Variants in RBMS3 observed in about 807,000 individuals in gnomAD.
RBMS3 encodes the protein RNA-binding motif, single-stranded-interacting protein 3.
In RBMS3, 27 loss-of-function variants were observed where a neutral mutation model predicts 66.8. The ratio of observed to expected loss-of-function variants is 0.40; its 90% CI spans 0.30 to 0.56. The LOEUF is 0.56. Among genes scored for constraint, RBMS3 ranks in the 20% least tolerant of loss-of-function variants. RBMS3 has a pLI of 0.40. For synonymous variants in RBMS3, 188 were observed against 183.0 expected, an observed-to-expected ratio of 1.03 and a Z score of -0.22; for missense variants, 513 against 549.5, an observed-to-expected ratio of 0.93 and a Z score of 0.66.
intron 6 of RBMS3, among the ~76,000 whole-genome samples, chr3:29,866,398 G>A (rs1212763589): frequency 6.6e-6 from 1 of 152,164 alleles, no homozygotes; most frequent in African/African-American, 2.4e-5. Context: ...GGCACACAAA[G>A]CTGCCATCCC....
chr3:29,606,194 A>G (rs1373549996), intron 4 of RBMS3, among the ~76,000 whole-genome samples: 2 of 151,750 alleles, frequency 1.3e-5, no homozygotes, highest in African/African-American at 4.8e-5. Flanking sequence ...TCACTCCTAG[A>G]TTTTATTCAC....
chr3:29,605,205 G>A (rs1320064789), intron 4 of RBMS3, among the ~76,000 whole-genome samples: 3 of 151,706 alleles, frequency 2.0e-5, no homozygotes, highest in Non-Finnish European at 4.4e-5. Context: ...GGAAGCCACT[G>A]TGCAGACTAA....
Position 29,775,792 on chromosome 3 carries a change from A to T in RBMS3, c.637+12803A>T, listed in dbSNP as rs561588884. On this transcript the variant is annotated intron_variant, in intron 6 of 14. Coordinates refer to ENST00000383767, the MANE Select transcript of RBMS3 (RefSeq NM_001003793.3). ...GATAATAATATATTTAAACACTAGC[A>T]TGCAACTAATTGAACACTGTATATT... Among the ~76,000 whole-genome samples, 6 of 152,074 alleles carry T rather than the reference A, an allele frequency of 3.9e-5. No homozygotes were observed. The South Asian group carries it at 1.2e-3, about 31-fold the overall frequency.
intron 4 of RBMS3, among the ~76,000 whole-genome samples, chr3:29,621,063 G>T (rs1004604224): frequency 6.6e-6 from 1 of 151,958 alleles, no homozygotes; most frequent in Non-Finnish European, 1.5e-5. Context: ...GCTCATAAAG[G>T]CTGCTGGAAC....
chr3:29,875,515 T>A (rs2059592460), intron 7 of RBMS3, among the ~76,000 whole-genome samples: 1 of 152,000 alleles, frequency 6.6e-6, no homozygotes, highest in Non-Finnish European at 1.5e-5. Flanking sequence ...TATAAAATGC[T>A]ATCAATTATC....
intron 2 of RBMS3, among the ~76,000 whole-genome samples, chr3:29,458,518 T>G (rs960345311): frequency 6.6e-6 from 1 of 152,208 alleles, no homozygotes; most frequent in African/African-American, 2.4e-5. Flanking sequence ...TCCTCCTGTA[T>G]GCTTTAAATA....
chr3:29,888,385 TCTTTCCTCA>T (rs1191222192), intron 8 of RBMS3, among the ~76,000 whole-genome samples: 1 of 151,774 alleles, frequency 6.6e-6, no homozygotes, highest in Non-Finnish European at 1.5e-5. Flanking sequence ...GGGCATATTA[TCTTTCCTCA>T]CTTTATTTTC....
At chr3:29,561,756 C>G (rs2046564683) in intron 3 of RBMS3, among the ~76,000 whole-genome samples, 1 of 151,992 alleles carries the variant, frequency 6.6e-6, no homozygotes, top group African/African-American at 2.4e-5. Flanking sequence ...TGGCCCTTGA[C>G]TTTTTAATAG....
chr3:29,522,797 G>T (rs1170723316), intron 3 of RBMS3, among the ~76,000 whole-genome samples: 3 of 152,154 alleles, frequency 2.0e-5, no homozygotes, highest in Non-Finnish European at 4.4e-5. Context: ...AGGTAGATTT[G>T]CAGGATACAG....
chr3:29,331,814 CCTT>C (rs1166822148), intron 1 of RBMS3, among the ~76,000 whole-genome samples: 71 of 105,810 alleles, frequency 6.7e-4, no homozygotes, highest in African/African-American at 2.8e-3. Context: ...CAGGATAGCT[CCTT>C]TTTTTTTTTT....
chr3:29,825,065 C>T (rs1424676766), intron 6 of RBMS3, among the ~76,000 whole-genome samples: 10 of 141,734 alleles, frequency 7.1e-5, no homozygotes, highest in Non-Finnish European at 9.2e-5. Flanking sequence ...TTGACAGTTT[C>T]GCTATTGTTG....
intron 3 of RBMS3, among the ~76,000 whole-genome samples, chr3:29,495,556 C>T (rs961228750): frequency 6.6e-6 from 1 of 151,306 alleles, no homozygotes; most frequent in Non-Finnish European, 1.5e-5. Flanking sequence ...GCTGGGATTA[C>T]AGGTGCGCGC....
intron 2 of RBMS3, among the ~76,000 whole-genome samples, chr3:29,442,625 T>C (rs980579627): frequency 6.6e-6 from 1 of 152,162 alleles, no homozygotes; most frequent in African/African-American, 2.4e-5. Context: ...TCTAGGCAGA[T>C]CTCATGCTGA....
chr3:29,740,090 G>C (rs9836819), intron 5 of RBMS3, among the ~76,000 whole-genome samples: 3,973 of 151,834 alleles, frequency 0.026, 161 homozygotes, highest in African/African-American at 0.09. Context: ...TCAAATGTAC[G>C]TAGAATGTGT....
At chr3:29,306,514 C>A (rs2034024160) in intron 1 of RBMS3, among the ~76,000 whole-genome samples, 1 of 151,814 alleles carries the variant, frequency 6.6e-6, no homozygotes, top group African/African-American at 2.4e-5. Flanking sequence ...AACCATAAAA[C>A]CTTAATTCAC....
chr3:29,580,425 T>G (rs1179222501), intron 3 of RBMS3, among the ~76,000 whole-genome samples: 2 of 152,150 alleles, frequency 1.3e-5, no homozygotes, highest in Non-Finnish European at 2.9e-5. Flanking sequence ...GGAACCTGGC[T>G]CAGTTGTTCA....
chr3:29,733,282 A>C (rs1281285194), intron 4 of RBMS3, among the ~76,000 whole-genome samples: 1 of 152,054 alleles, frequency 6.6e-6, no homozygotes. Context: ...AAAAATTTCT[A>C]TAAATTCGTT....
At chr3:29,972,726 C>T (rs766907804) in intron 12 of RBMS3, among the ~76,000 whole-genome samples, 1 of 151,968 alleles carries the variant, frequency 6.6e-6, no homozygotes, top group Non-Finnish European at 1.5e-5. Context: ...GGGCTGGAGA[C>T]CATCAAAAGG....
intron 4 of RBMS3, among the ~76,000 whole-genome samples, chr3:29,661,094 G>A (rs978976831): frequency 6.6e-6 from 1 of 152,152 alleles, no homozygotes; most frequent in Non-Finnish European, 1.5e-5. Flanking sequence ...ATTGGGGTGG[G>A]GAATGGGTAG....
Sources: gnomAD v4.1 joint callset for allele counts (sites outside exome capture counted in the v4.1 genomes callset) on GRCh38, gnomAD v4.1.1 for gene constraint, MANE v1.5 for transcripts, NCBI Gene and HGNC (gene_info 2026-07-23, HGNC 2026-07-21) for gene names.